The following SLC1A1 variants were observed in gnomAD, a reference collection of about 807,000 sequenced individuals.
SLC1A1 encodes the protein excitatory amino acid transporter 3.
In SLC1A1, 43 loss-of-function variants were observed where a neutral mutation model predicts 53.3. The observed-to-expected ratio is 0.81, with a 90% CI of 0.63 to 1.04. The LOEUF (loss-of-function observed/expected upper bound fraction) is 1.04. Among genes scored for constraint, SLC1A1 ranks in the 50% least tolerant of loss-of-function variants. The probability of loss-of-function intolerance (pLI) is 0.00; values close to 1 mark genes in which losing one functional copy is unlikely to be tolerated. For missense variants in SLC1A1, 748 were observed against 664.9 expected, an observed-to-expected ratio of 1.12 and a Z score of -1.37; for synonymous variants, 307 against 243.2, an observed-to-expected ratio of 1.26 and a Z score of -2.44.
intron 10 of SLC1A1, among the ~76,000 whole-genome samples, chr9:4,579,651 T>C (rs1181253368): frequency 2.0e-5 from 3 of 152,228 alleles, no homozygotes; most frequent in East Asian, 1.9e-4. Flanking sequence ...AAAGTAATCA[T>C]TGGCTTAAAA....
intron 1 of SLC1A1, among the ~76,000 whole-genome samples, chr9:4,526,587 G>T (rs1350477153): frequency 6.6e-6 from 1 of 152,120 alleles, no homozygotes; most frequent in Non-Finnish European, 1.5e-5. Context: ...ATCTGTGGAG[G>T]ATTTGTTCAG....
intron 3 of SLC1A1, 81 bp downstream of exon 3, chr9:4,561,622 T>C: frequency 1.1e-6 from 1 of 886,240 alleles, no homozygotes; most frequent in Non-Finnish European, 1.9e-6. Context: ...CCAGATGCGG[T>C]GGCTCAGGCC....
intron 1 of SLC1A1, among the ~76,000 whole-genome samples, chr9:4,510,617 C>G (rs60100234): frequency 0.061 from 9,326 of 152,232 alleles, 887 homozygotes; most frequent in African/African-American, 0.21. Context: ...CACTCCCAAG[C>G]AAGACTCTTC....
rs773019694 is a variant in SLC1A1 at position 4,583,558 on chromosome 9, A to G, written c.1328+386A>G. On this transcript the variant is annotated intron_variant, in intron 11 of 11. Transcript: ENST00000262352. The surrounding 1 kb of genome is among the most constrained non-coding windows in gnomAD (Gnocchi z 4.6). ...TAGTTCAAAATCAGTCCGTCTTCCT[A>G]AGCATCTTCCGAACCATCAGGGACA... Among the ~76,000 whole-genome samples, 3 of 152,110 alleles carry G rather than the reference A, an allele frequency of 2.0e-5. No homozygotes were observed. Among genetic ancestry groups the G allele is most frequent in the Admixed American group, 1.3e-4 (2 of 15,278 alleles).
intron 11 of SLC1A1, among the ~76,000 whole-genome samples, chr9:4,584,950 A>C (rs1459616608): frequency 6.6e-6 from 1 of 152,134 alleles, no homozygotes; most frequent in Non-Finnish European, 1.5e-5. Context: ...AGAGCCCACA[A>C]TGGCATTTGC....
chr9:4,533,189 G>A lies in SLC1A1; in HGVS notation c.92-11378G>A, dbSNP rs896664756. Among the ~76,000 whole-genome samples the A allele has an allele frequency of 2.3e-4, 35 of 151,946 alleles. 1 individual carries two copies. Among genetic ancestry groups the A allele is most frequent in the African/African-American group, 7.2e-4 (30 of 41,446 alleles). On this transcript the variant is annotated intron_variant, in intron 1 of 11. Transcript: ENST00000262352. The stretch of plus-strand genomic sequence containing the variant: ...AAAATAACCAGCTAAGATCATAATG[G>A]CAGGATCAAATTCACACATAGCAAT...
At chr9:4,577,385 A>G (rs1820654823) in intron 10 of SLC1A1, among the ~76,000 whole-genome samples, 1 of 152,216 alleles carries the variant, frequency 6.6e-6, no homozygotes, top group East Asian at 1.9e-4. Flanking sequence ...ACGAATGAGG[A>G]GGCAGGGGTC....
At chr9:4,504,568 G>A (rs570234328) in intron 1 of SLC1A1, among the ~76,000 whole-genome samples, 3 of 152,318 alleles carry the variant, frequency 2.0e-5, no homozygotes, top group Admixed American at 6.5e-5. Flanking sequence ...CCGCTTCTTG[G>A]ATTTCTTTCT....
chr9:4,558,222 T>C (rs980443956), intron 2 of SLC1A1, among the ~76,000 whole-genome samples: 1 of 152,156 alleles, frequency 6.6e-6, no homozygotes, highest in African/African-American at 2.4e-5. Flanking sequence ...TCTATGGTGG[T>C]CACCACCCTT....
At chr9:4,514,197 C>G (rs757253709) in intron 1 of SLC1A1, among the ~76,000 whole-genome samples, 1 of 152,194 alleles carries the variant, frequency 6.6e-6, no homozygotes, top group Non-Finnish European at 1.5e-5. Context: ...AACACATGTA[C>G]ACACACATAC....
chr9:4,574,208 T>C (rs1178095295), intron 8 of SLC1A1, among the ~76,000 whole-genome samples, 194 bp downstream of exon 8: 1 of 152,188 alleles, frequency 6.6e-6, no homozygotes, highest in African/African-American at 2.4e-5. Flanking sequence ...GCTGTGCTAA[T>C]TGTCAGCTCT....
At chr9:4,564,074 C>G (rs1443723064) in intron 3 of SLC1A1, among the ~76,000 whole-genome samples, 1 of 147,778 alleles carries the variant, frequency 6.8e-6, no homozygotes. Flanking sequence ...GGGATGCAGC[C>G]CCTTCATTTA....
chr9:4,525,860 A>T (rs1336707184), intron 1 of SLC1A1, among the ~76,000 whole-genome samples: 1 of 152,168 alleles, frequency 6.6e-6, no homozygotes, highest in Non-Finnish European at 1.5e-5. Context: ...TGAAACTCAT[A>T]TTTTTTCAAA....
At chr9:4,546,839 G>A (rs1045248025) in intron 2 of SLC1A1, among the ~76,000 whole-genome samples, 22 of 152,202 alleles carry the variant, frequency 1.4e-4, no homozygotes, top group African/African-American at 4.8e-4. Flanking sequence ...AGAATACAAT[G>A]CAAACTTTGG....
intron 1 of SLC1A1, among the ~76,000 whole-genome samples, chr9:4,525,829 A>C (rs548066351): frequency 1.1e-4 from 17 of 152,338 alleles, no homozygotes; most frequent in Non-Finnish European, 2.2e-4. Context: ...AAACCCTCCA[A>C]GGACCCATAG....
intron 8 of SLC1A1, among the ~76,000 whole-genome samples, chr9:4,575,095 C>T (rs1018411397): frequency 6.6e-6 from 1 of 152,216 alleles, no homozygotes; most frequent in Non-Finnish European, 1.5e-5. Flanking sequence ...TTTCTATTCT[C>T]TTACCCCAGC....
At chr9:4,530,773 T>C (rs1444637146) in intron 1 of SLC1A1, among the ~76,000 whole-genome samples, 2 of 152,238 alleles carry the variant, frequency 1.3e-5, no homozygotes, top group African/African-American at 4.8e-5. Flanking sequence ...AATATAGTGC[T>C]TGGGATATAT....
intron 1 of SLC1A1, among the ~76,000 whole-genome samples, chr9:4,530,591 T>C (rs958852470): frequency 2.0e-5 from 3 of 152,206 alleles, no homozygotes; most frequent in East Asian, 1.9e-4. Context: ...TTGTAGGTGA[T>C]AGACCAAAAG....
At chr9:4,551,461 G>T (rs771754011) in intron 2 of SLC1A1, among the ~76,000 whole-genome samples, 5 of 152,238 alleles carry the variant, frequency 3.3e-5, no homozygotes, top group Non-Finnish European at 5.9e-5. Flanking sequence ...AGGTCCAGGA[G>T]TCCCTCGTTA....
Sources: allele counts gnomAD v4.1 joint callset (sites outside exome capture counted in the v4.1 genomes callset), GRCh38; gene constraint gnomAD v4.1.1; non-coding constraint Gnocchi (gnomAD v3.1); transcripts MANE v1.5; gene names NCBI Gene and HGNC (gene_info 2026-07-23, HGNC 2026-07-21).